The following ADAM21 variants were observed in gnomAD, a reference collection of about 807,000 sequenced individuals.
ADAM21 encodes the protein ADAM metallopeptidase domain 21.
For missense variants in ADAM21, 678 were observed against 874.4 expected (o/e 0.78, Z 2.83); for synonymous variants, 262 against 306.0 (o/e 0.86, Z 1.50).
chr14:70,458,546 G>A lies in ADAM21; in HGVS notation c.1047G>A (p.Met349Ile). 1 of 1,610,650 alleles carries A rather than the reference G, an allele frequency of 6.2e-7. No individual in the cohort carries two copies. The highest frequency in any genetic ancestry group is 8.5e-7 in the Non-Finnish European group (1 of 1,177,836). Reference sequence around the variant, plus strand: ...ATGAGTTAGGTCATACGTTAGGTATGCAGCATGATGAAGAATTCTGTTTTT... The same window carrying A: ...ATGAGTTAGGTCATACGTTAGGTATACAGCATGATGAAGAATTCTGTTTTT... ...VAHELGHTLG[M>I]QHDEEFCFCG... The change falls in exon 2 of 2, where the codon ATG becomes ATA. Residue 349 changes from methionine (M) to isoleucine (I), a missense_variant. Transcript: ENST00000603540.
At chr14:70,454,115 C>T (rs912834363) in intron 1 of ADAM21, among the ~76,000 whole-genome samples, 1 of 152,122 alleles carries the variant, frequency 6.6e-6, no homozygotes, top group Non-Finnish European at 1.5e-5. Context: ...ATGAGGAAAA[C>T]TCAGAAGATT....
chr14:70,459,370 G>A lies in ADAM21; in HGVS notation c.1871G>A (p.Cys624Tyr), dbSNP rs1882488321. ...GGAAAGATCTGCATCCATAAGAAGT[G>A]TGTCAGTCTGTCTGTCTTGTCACAT... ...GPGKICIHKK[C>Y]VSLSVLSHVC... Residue 624 changes from cysteine (C) to tyrosine (Y), a missense_variant, in exon 2 of 2, where the codon TGT (cysteine) becomes TAT (tyrosine). Coordinates refer to ENST00000603540, the MANE Select transcript of ADAM21 (RefSeq NM_003813.4). 6.2e-7 allele frequency: 1 copy of A among 1,614,110 alleles called. No individual in the cohort carries two copies. The highest frequency in any genetic ancestry group is 1.3e-5 in the African/African-American group (1 of 74,940).
At chr14:70,454,317 T>C (rs1480747438) in intron 1 of ADAM21, among the ~76,000 whole-genome samples, 1 of 152,182 alleles carries the variant, frequency 6.6e-6, no homozygotes, top group East Asian at 1.9e-4. Context: ...TTTTTTTTTT[T>C]TCAGAGCAGC....
chr14:70,456,464 A>T (rs2000352), intron 1 of ADAM21, among the ~76,000 whole-genome samples: 5,295 of 152,264 alleles, frequency 0.035, 129 homozygotes, highest in Middle Eastern at 0.075. Flanking sequence ...GCGATCCTAA[A>T]ATACTAGACT....
rs138056238 is a variant in ADAM21 at position 70,452,953 on chromosome 14, G to T, written c.-152+690G>T. 4.9e-4 allele frequency among the ~76,000 whole-genome samples: 74 copies of T among 152,312 alleles called. No individual in the cohort carries two copies. In the East Asian group the frequency reaches 9.6e-3, roughly 20 times the overall value. On this transcript the variant is annotated intron_variant, in intron 1 of 1. Transcript: ENST00000603540. ...ACCATGAGGGGCTAATGAGACTAGAGAGGTAGTAAGGTAGAGAAGAGGTGG... is the reference window on the plus strand; with the variant it reads ...ACCATGAGGGGCTAATGAGACTAGATAGGTAGTAAGGTAGAGAAGAGGTGG...
chr14:70,459,799 AT>A lies in ADAM21; in HGVS notation c.*133del. The A allele has an allele frequency of 9.4e-7, 1 of 1,066,826 alleles. No individual in the cohort carries two copies. The highest frequency in any genetic ancestry group is 1.4e-6 in the Non-Finnish European group (1 of 739,810). The allele number at this position is 1,066,826 out of a possible 1,614,324, so 66.1% of individuals were successfully genotyped here. On this transcript the variant is annotated 3_prime_UTR_variant, in exon 2 of 2. Coordinates refer to ENST00000603540, the MANE Select transcript of ADAM21 (RefSeq NM_003813.4). ...GAAAGCTGCAAAGATCTTCCCTTAC[AT>A]TAGTACCACAAACATTGTCATTAAG...
intron 1 of ADAM21, among the ~76,000 whole-genome samples, chr14:70,453,052 G>C (rs1889060931): frequency 6.6e-6 from 1 of 151,912 alleles, no homozygotes; most frequent in South Asian, 2.1e-4. Flanking sequence ...GTGTGTGTGT[G>C]TGTGTATCAT....
rs1566637010 is a variant in ADAM21 at position 70,458,168 on chromosome 14, C to T, written c.669C>T (p.Tyr223=). 4 of 1,613,608 alleles carry T rather than the reference C, an allele frequency of 2.5e-6. No homozygotes were observed. Among genetic ancestry groups the T allele is most frequent in the African/African-American group, 1.3e-5 (1 of 74,840 alleles). Residue 223 remains tyrosine, a synonymous_variant, in exon 2 of 2, where the codon TAC becomes TAT. Coordinates refer to ENST00000603540, the MANE Select transcript of ADAM21 (RefSeq NM_003813.4). ...VVVVNHDFFI[Y]SQSNISKVQE... ...TGGTGAACCATGATTTCTTCATTTA[C>T]TCTCAAAGCAACATCTCAAAGGTGC...
At position 70,458,898 on chromosome 14, in the gene ADAM21, G is replaced by A; in HGVS notation, c.1399G>A (p.Glu467Lys). 3 of 1,614,160 alleles carry A rather than the reference G, an allele frequency of 1.9e-6. No individual in the cohort carries two copies. The highest frequency in any genetic ancestry group is 2.5e-6 in the Non-Finnish European group (3 of 1,180,026). Reference protein sequence around the residue: ...FMPSGELCRQEVNECDLPEWC... With the variant: ...FMPSGELCRQKVNECDLPEWC... ...GCCATCAGGGGAACTCTGTAGACAAGAGGTCAATGAATGTGACCTTCCAGA... is the reference window on the plus strand; with the variant it reads ...GCCATCAGGGGAACTCTGTAGACAAAAGGTCAATGAATGTGACCTTCCAGA... Residue 467 changes from glutamate (E) to lysine (K), a missense_variant, in exon 2 of 2, where the codon GAG becomes AAG. Physicochemically the swap from Glu to Lys is moderately conservative, Grantham distance 56 (BLOSUM62 1). Coordinates refer to ENST00000603540, the MANE Select transcript of ADAM21 (RefSeq NM_003813.4).
Sources: allele counts gnomAD v4.1 joint callset (sites outside exome capture counted in the v4.1 genomes callset), GRCh38; gene constraint gnomAD v4.1.1; transcripts MANE v1.5; gene names NCBI Gene and HGNC (gene_info 2026-07-23, HGNC 2026-07-21).